The following TTN variants were observed in gnomAD, a reference collection of about 807,000 sequenced individuals.
TTN encodes the protein titin.
TTN carries 1,525 observed loss-of-function variants against 3,223.0 expected under a neutral mutation model. The ratio of observed to expected loss-of-function variants is 0.47; its 90% CI spans 0.45 to 0.49. The LOEUF (loss-of-function observed/expected upper bound fraction) is 0.49, where lower values mean the gene tolerates loss of function less well. TTN is among the 20% of genes least tolerant of loss of function. The pLI, the probability that TTN is intolerant of heterozygous loss-of-function variation, is 0.00. For synonymous variants in TTN, 14,094 were observed against 15,161.0 expected (o/e 0.93, Z 5.17); for missense variants, 40,786 against 43,424.0 (o/e 0.94, Z 5.40).
intron 79 of TTN, 89 bp downstream of exon 79, chr2:178,720,832 T>C: frequency 6.9e-7 from 1 of 1,450,974 alleles, no homozygotes; most frequent in Non-Finnish European, 9.1e-7. Flanking sequence ...CAAATAACCT[T>C]AATTATCCTT....
chr2:178,584,988 A>G lies in TTN; in HGVS notation c.64673-20T>C. 1 of 1,609,000 alleles carries G rather than the reference A, an allele frequency of 6.2e-7. No individual in the cohort carries two copies. The highest frequency in any genetic ancestry group is 8.5e-7 in the Non-Finnish European group (1 of 1,178,490). On this transcript the variant is annotated intron_variant, in intron 309 of 362. Transcript: ENST00000589042. ...GGGCATCTACATGAACCAAGAGGAA[A>G]GAAATGTAAGAACAAGGATTTGATA...
chr2:178,731,077 A>T lies in TTN; in HGVS notation c.17588T>A (p.Leu5863Gln), dbSNP rs2080395213. 1 of 1,613,728 alleles carries T rather than the reference A, an allele frequency of 6.2e-7. No homozygotes were observed. The highest frequency in any genetic ancestry group is 1.3e-5 in the African/African-American group (1 of 75,022). Residue 5863 changes from leucine to glutamine, a missense_variant, in exon 60 of 363, where the codon CTG becomes CAG. By Grantham distance (113) the Leu-to-Gln change is moderately radical. Transcript: ENST00000589042. ...TAKWFKDGQE[L>Q]TLGSKYKISV... ...GATTTTATATTTTGAGCCCAGGGTC[A>T]GTTCTTGGCCATCTTTAAACCATTT...
At chr2:178,744,311 T>C in intron 47 of TTN, 1 of 901,432 alleles carries the variant, frequency 1.1e-6, no homozygotes, top group Non-Finnish European at 1.3e-6. Flanking sequence ...TTATTCTAAA[T>C]TGTATTAAGA....
At position 178,571,468 on chromosome 2, in the gene TTN, T is replaced by C; in HGVS notation, c.74664A>G (p.Arg24888=). The C allele has an allele frequency of 1.9e-6, 3 of 1,613,388 alleles. No individual in the cohort carries two copies. In the South Asian group the frequency reaches 3.3e-5, roughly 18 times the overall value. Residue 24888 remains arginine (R), a synonymous_variant, in exon 326 of 363, where the codon AGA becomes AGG. Transcript: ENST00000589042. ...EYQFRIAAEN[R]YGKSTYLNSE... is the part of the protein sequence containing the mutation. ...AATTGAGGTAGGTACTCTTCCCATA[T>C]CTGTTTTCAGCTGCAATTCTAAACT...
intron 92 of TTN, 109 bp from the exon 93 acceptor site, chr2:178,713,481 T>C: frequency 4.9e-6 from 7 of 1,416,428 alleles, no homozygotes; most frequent in Non-Finnish European, 4.6e-6. Context: ...TATCCCTAGA[T>C]CCATTTGGCT....
In TTN at chr2:178,764,291, C is replaced by T. The variant is rs886055299; in HGVS notation, c.10000G>A (p.Val3334Met). ...ACAGGCATTTCCTGATCAGGAGACA[C>T]AACTTCTGGAACTAAAGAAAGAAAC... The part of the protein sequence containing the change: ...ASLSVEVPEV[V>M]SPDQEMPVYP... The change falls in exon 43 of 363, where the codon GTG becomes ATG. Residue 3334 changes from valine (V) to methionine (M), a missense_variant. Coordinates refer to ENST00000589042, the MANE Select transcript of TTN (RefSeq NM_001267550.2). 9.3e-6 allele frequency: 15 copies of T among 1,613,834 alleles called. No individual in the cohort carries two copies. In the East Asian group the frequency reaches 2.0e-4, roughly 22 times the overall value.
rs747518737 is a variant in TTN at position 178,561,447 on chromosome 2, C to T, written c.84685G>A (p.Val28229Ile). 1 of 1,613,832 alleles carries T rather than the reference C, an allele frequency of 6.2e-7. No individual in the cohort carries two copies. The highest frequency in any genetic ancestry group is 1.7e-5 in the Admixed American group (1 of 59,998). Reference protein sequence around the residue: ...LDEGLMYEYRVYAENIAGIGK... With the variant: ...LDEGLMYEYRIYAENIAGIGK... Reference sequence around the variant, plus strand: ...ATTCCAGCAATATTTTCAGCATATACACGATACTCATACATCAGTCCTTCA... The same window carrying T: ...ATTCCAGCAATATTTTCAGCATATATACGATACTCATACATCAGTCCTTCA... The change falls in exon 326 of 363, where the codon GTA (valine) becomes ATA (isoleucine). Residue 28229 changes from valine (V) to isoleucine (I), a missense_variant. Coordinates refer to ENST00000589042, the MANE Select transcript of TTN (RefSeq NM_001267550.2).
At position 178,723,285 on chromosome 2, in the gene TTN, A is replaced by G. The variant is rs1292676739; in HGVS notation, c.21722T>C (p.Val7241Ala). 1 of 1,613,460 alleles carries G rather than the reference A, an allele frequency of 6.2e-7. No homozygotes were observed. Among genetic ancestry groups the G allele is most frequent in the East Asian group, 2.2e-5 (1 of 44,856 alleles). Residue 7241 changes from valine to alanine, a missense_variant, in exon 75 of 363, where the codon GTA becomes GCA. Physicochemically the swap from Val to Ala is moderately conservative, Grantham distance 64. Transcript: ENST00000589042. ...CAGAATTATGGACTTCCCTGGTTCTACAGAATGATCACTTAATCTCTTCAA... is the reference window on the plus strand; with the variant it reads ...CAGAATTATGGACTTCCCTGGTTCTGCAGAATGATCACTTAATCTCTTCAA... ...AFLKRLSDHS[V>A]EPGKSIILES...
rs727503674 is a variant in TTN at position 178,751,520 on chromosome 2, C to G, written c.11311+1604G>C. 8.7e-6 allele frequency: 14 copies of G among 1,613,296 alleles called. No individual in the cohort carries two copies. The highest frequency in any genetic ancestry group is 1.2e-5 in the Non-Finnish European group (14 of 1,179,574). On this transcript the variant is annotated intron_variant, in intron 47 of 362. Transcript: ENST00000589042. Reference sequence around the variant, plus strand: ...CAGGTCAACCTTTATCCTATCTTCTCCCCTTTCAACTAAAGCCTCCACATT... The same window carrying G: ...CAGGTCAACCTTTATCCTATCTTCTGCCCTTTCAACTAAAGCCTCCACATT...
rs1439210373 is a variant in TTN, at chr2:178,717,765, T to C, written c.25109A>G (p.His8370Arg). Reference sequence around the variant, plus strand: ...TGCAACTGGGAAGCCTAGAGTCTCATGAACGTCTTTCAGTTTTCTTGCAAA... The same window carrying C: ...TGCAACTGGGAAGCCTAGAGTCTCACGAACGTCTTTCAGTTTTCTTGCAAA... Reference protein sequence around the residue: ...PFFARKLKDVHETLGFPVAFE... With the variant: ...PFFARKLKDVRETLGFPVAFE... Residue 8370 changes from histidine to arginine, a missense_variant, in exon 87 of 363, where the codon CAT becomes CGT. By Grantham distance (29) the His-to-Arg change is conservative. Coordinates refer to ENST00000589042, the MANE Select transcript of TTN (RefSeq NM_001267550.2). The C allele has an allele frequency of 5.0e-6, 8 of 1,610,558 alleles. No homozygotes were observed. The highest frequency in any genetic ancestry group is 1.7e-5 in the Admixed American group (1 of 59,610).
Position 178,549,642 on chromosome 2 carries a change from C to CA in TTN, c.92079dup (p.Val30694CysfsTer5), listed in dbSNP as rs2154148371. The CA allele has an allele frequency of 1.2e-6, 2 of 1,613,798 alleles. No homozygotes were observed. Among genetic ancestry groups the CA allele is most frequent in the Non-Finnish European group, 1.7e-6 (2 of 1,179,760 alleles). ...ACACCAAACTTGTTAACTGCAGAAA[C>CA]ACGGAATTGGTATTCATTGCCGTTT... On this transcript the variant is annotated frameshift_variant, in exon 338 of 363. Transcript: ENST00000589042. LOFTEE classifies it high-confidence loss of function.
chr2:178,589,407 A>G lies in TTN; in HGVS notation c.62318T>C (p.Leu20773Pro), dbSNP rs2049745835. 3.1e-6 allele frequency: 5 copies of G among 1,613,446 alleles called. No homozygotes were observed. In the East Asian group the frequency reaches 1.1e-4, roughly 36 times the overall value. ...GACAGTTAGGACCCCACTTAATTTCAGATCAAGTACTGGTTTTTGTAAGTC... is the reference window on the plus strand; with the variant it reads ...GACAGTTAGGACCCCACTTAATTTCGGATCAAGTACTGGTTTTTGTAAGTC... ...KEDLQKPVLD[L>P]KLSGVLTVKA... The change falls in exon 304 of 363, where the codon CTG (leucine) becomes CCG (proline). Residue 20773 changes from leucine to proline, a missense_variant. Transcript: ENST00000589042.
In TTN at chr2:178,768,804, G is replaced by A. The variant is rs753265092; in HGVS notation, c.9032C>T (p.Thr3011Ile). Residue 3011 changes from threonine to isoleucine, a missense_variant, in exon 38 of 363, where the codon ACT becomes ATT. Physicochemically the swap from Thr to Ile is moderately conservative, Grantham distance 89. Transcript: ENST00000589042. ...TTTGGTTCTCATCTGGCACTTGTCA[G>A]TTGATTTGATTTCCACACCATTCTT... is the stretch of plus-strand genomic sequence containing the variant. ...WLKNGVEIKS[T>I]DKCQMRTKKL... 2 of 1,614,068 alleles carry A rather than the reference G, an allele frequency of 1.2e-6. No homozygotes were observed. The highest frequency in any genetic ancestry group is 1.7e-6 in the Non-Finnish European group (2 of 1,179,990).
Position 178,720,462 on chromosome 2 carries a change from G to A in TTN, c.23300C>T (p.Ser7767Phe). ...TSLHILNLEA[S>F]DVGEYHCKAT... The stretch of plus-strand genomic sequence containing the variant: ...TTTGCAGTGATATTCCCCGACATCG[G>A]AGGCTTCAAGATTAAGGATATGAAG... The change falls in exon 80 of 363, where the codon TCC (serine) becomes TTC (phenylalanine). Residue 7767 changes from serine (S) to phenylalanine (F), a missense_variant. Physicochemically the swap from Ser to Phe is radical, Grantham distance 155 (BLOSUM62 -2). Transcript: ENST00000589042. 1 of 1,613,642 alleles carries A rather than the reference G, an allele frequency of 6.2e-7. No individual in the cohort carries two copies. Among genetic ancestry groups the A allele is most frequent in the Non-Finnish European group, 8.5e-7 (1 of 1,179,670 alleles).
intron 20 of TTN, 131 bp from the exon 21 acceptor site, chr2:178,781,394 A>G: frequency 9.8e-7 from 1 of 1,017,568 alleles, no homozygotes; most frequent in South Asian, 1.4e-5. Context: ...TAAGCTCCAC[A>G]ATAGATTATA....
At chr2:178,753,576 A>C (rs2086158064) in intron 46 of TTN, 1 of 163,718 alleles carries the variant, frequency 6.1e-6, no homozygotes, top group African/African-American at 2.4e-5. Context: ...ACTTTAGCAG[A>C]GGGCTATTCT....
rs2742340 is a variant in TTN, at chr2:178,707,215, C to T, written c.29042-261G>A. 0.043 allele frequency among the ~76,000 whole-genome samples: 6,547 copies of T among 152,254 alleles called. 235 individuals carry two copies. The highest frequency in any genetic ancestry group is 0.19 in the East Asian group (980 of 5,180). On this transcript the variant is annotated intron_variant, in intron 100 of 362. Transcript: ENST00000589042. ...GGTTTTATTTTTTCCAGGTGTATCACAACAGCCTACTTTCTATCGCATTAT... is the reference window on the plus strand; with the variant it reads ...GGTTTTATTTTTTCCAGGTGTATCATAACAGCCTACTTTCTATCGCATTAT...
intron 315 of TTN, 46 bp from the exon 316 acceptor site, chr2:178,581,850 T>C (rs1040747651): frequency 6.2e-7 from 1 of 1,601,914 alleles, no homozygotes; most frequent in Admixed American, 1.8e-5. Context: ...ACTTCCTTCC[T>C]GGGTGTTTAA....
rs141508485 is a variant in TTN, at chr2:178,738,389, T to G, written c.14093-29A>C. The G allele has an allele frequency of 2.6e-4, 418 of 1,586,598 alleles. 2 individuals are homozygous for G. The African/African-American group carries it at 5.2e-3, about 20-fold the overall frequency. On this transcript the variant is annotated intron_variant, in intron 48 of 362. Transcript: ENST00000589042. ...CAAAGGGAAGTAGAGTCCATTAACA[T>G]GCCTCCTTATCAGGCATATGACATT...
Sources: gnomAD v4.1 joint callset for allele counts (sites outside exome capture counted in the v4.1 genomes callset) on GRCh38, gnomAD v4.1.1 for gene constraint, MANE v1.5 for transcripts, NCBI Gene and HGNC (gene_info 2026-07-23, HGNC 2026-07-21) for gene names.